ITPR2: variants seen among roughly 807,000 people sequenced by gnomAD.
ITPR2 encodes the protein inositol 1,4,5-trisphosphate receptor type 2.
In ITPR2, 207 loss-of-function variants were observed where a neutral mutation model predicts 317.1. The ratio of observed to expected loss-of-function variants is 0.65; its 90% CI spans 0.58 to 0.73. ITPR2 has a LOEUF of 0.73. Ranked by LOEUF, ITPR2 falls within the 30% of genes least tolerant of loss-of-function variation. The pLI is 0.00. For synonymous variants in ITPR2, 1,156 were observed against 1,149.1 expected (o/e 1.01, Z -0.12); for missense variants, 2,613 against 3,284.0 (o/e 0.80, Z 4.99).
chr12:26,667,411 T>C (rs892298392), intron 13 of ITPR2, among the ~76,000 whole-genome samples: 3 of 152,242 alleles, frequency 2.0e-5, no homozygotes, highest in Non-Finnish European at 4.4e-5. Context: ...CTATGTTTTC[T>C]TGGTATGCCT....
At chr12:26,605,861 C>T (rs902957123) in intron 26 of ITPR2, among the ~76,000 whole-genome samples, 1 of 152,060 alleles carries the variant, frequency 6.6e-6, no homozygotes, top group Admixed American at 6.5e-5. Context: ...TTAAATTGAA[C>T]AAAAACCCAT....
At chr12:26,656,195 T>C (rs1303883207) in intron 19 of ITPR2, 102 bp downstream of exon 19, 11 of 1,424,084 alleles carry the variant, frequency 7.7e-6, no homozygotes, top group Non-Finnish European at 7.7e-6. Context: ...CAAGACAGGA[T>C]ACACAAATGC....
intron 49 of ITPR2, among the ~76,000 whole-genome samples, chr12:26,421,962 C>A (rs951750940): frequency 2.0e-5 from 3 of 151,576 alleles, no homozygotes; most frequent in Admixed American, 2.0e-4. Context: ...AATACACCAT[C>A]CAAATGATTT....
At chr12:26,543,810 G>T (rs1944322488) in intron 37 of ITPR2, among the ~76,000 whole-genome samples, 1 of 151,778 alleles carries the variant, frequency 6.6e-6, no homozygotes, top group Admixed American at 6.6e-5. Context: ...CCATTTTGAA[G>T]CATTCCTTCT....
chr12:26,495,382 C>T lies in ITPR2; in HGVS notation c.5074-122G>A. The T allele has an allele frequency of 5.6e-6, 3 of 531,056 alleles. No homozygotes were observed. In the South Asian group the frequency reaches 9.3e-5, roughly 16 times the overall value. The allele number at this position is 531,056 out of a possible 1,614,324, so 32.9% of individuals were successfully genotyped here. A position where few individuals can be genotyped will look rare whatever the true frequency, so the allele number is the denominator to read the frequency against. Reference sequence around the variant, plus strand: ...GTTGAGGCATGGAAAAATTAACTTTCTATCAGATAATATTTTCTGAGGCAA... The same window carrying T: ...GTTGAGGCATGGAAAAATTAACTTTTTATCAGATAATATTTTCTGAGGCAA... On this transcript the variant is annotated intron_variant, in intron 37 of 56. Transcript: ENST00000381340.
chr12:26,397,758 T>C (rs955608305), intron 54 of ITPR2, among the ~76,000 whole-genome samples: 2 of 152,228 alleles, frequency 1.3e-5, no homozygotes, highest in African/African-American at 4.8e-5. Context: ...GGACCCAATT[T>C]GTTACATACA....
rs548292837 is a variant in ITPR2 at position 26,335,702 on chromosome 12, G to A, written c.*3695C>T. ...GACTAGAGGGCCTCTACTGGCCTCA[G>A]GCATTTTCTAAAAACCGGAATTAGC... On this transcript the variant is annotated 3_prime_UTR_variant, in exon 57 of 57. Transcript: ENST00000381340. The A allele has an allele frequency of 5.3e-5, 8 of 152,310 alleles. No homozygotes were observed. The highest frequency in any genetic ancestry group is 2.1e-4 in the South Asian group (1 of 4,828). 9.4% of individuals were successfully genotyped at this position (152,310 alleles called of 1,614,324 possible).
rs1436607828 is a variant in ITPR2, at chr12:26,831,235, C to T, written c.92+1455G>A. On this transcript the variant is annotated intron_variant, in intron 1 of 56. Coordinates refer to ENST00000381340, the MANE Select transcript of ITPR2 (RefSeq NM_002223.4). The surrounding 1 kb of genome is among the most constrained non-coding windows in gnomAD (Gnocchi z 4.9). ...AGCGCTTGGCACTAACGTGTTTTTCCTACCACGCTTTAGTTGCATAAGAAA... is the reference window on the plus strand; with the variant it reads ...AGCGCTTGGCACTAACGTGTTTTTCTTACCACGCTTTAGTTGCATAAGAAA... Among the ~76,000 whole-genome samples, 1 of 152,180 alleles carries T rather than the reference C, an allele frequency of 6.6e-6. No individual in the cohort carries two copies. Among genetic ancestry groups the T allele is most frequent in the African/African-American group, 2.4e-5 (1 of 41,432 alleles).
chr12:26,428,045 A>C lies in ITPR2; in HGVS notation c.6813T>G (p.Val2271=). Residue 2271 remains valine, a synonymous_variant, in exon 49 of 57, where the codon GTT becomes GTG. Coordinates refer to ENST00000381340, the MANE Select transcript of ITPR2 (RefSeq NM_002223.4). Reference sequence around the variant, plus strand: ...AAAACAGCATAGATGTGCAGATCGCAACTGCTATCCAAAGAAGAACCGAGA... The same window carrying C: ...AAAACAGCATAGATGTGCAGATCGCCACTGCTATCCAAAGAAGAACCGAGA... ...PLFSVLLWIA[V]AICTSMLFFF... 1 of 1,611,468 alleles carries C rather than the reference A, an allele frequency of 6.2e-7. No individual in the cohort carries two copies. Among genetic ancestry groups the C allele is most frequent in the Non-Finnish European group, 8.5e-7 (1 of 1,178,924 alleles).
chr12:26,733,868 G>A (rs1010772581), intron 2 of ITPR2, among the ~76,000 whole-genome samples: 1 of 152,044 alleles, frequency 6.6e-6, no homozygotes, highest in African/African-American at 2.4e-5. Context: ...AATGTAATAA[G>A]CTGACTGATT....
intron 32 of ITPR2, among the ~76,000 whole-genome samples, chr12:26,593,737 GT>G (rs869253983): frequency 3.5e-4 from 5 of 14,344 alleles, no homozygotes; most frequent in African/African-American, 7.0e-4. Flanking sequence ...CTATTTTTTT[GT>G]TTTTTTTTTT....
chr12:26,556,570 G>T (rs1017564403), intron 35 of ITPR2, among the ~76,000 whole-genome samples, 195 bp from the exon 36 acceptor site: 219 of 128,162 alleles, frequency 1.7e-3, no homozygotes, highest in African/African-American at 5.8e-3. Context: ...TTTTTTTTGT[G>T]TGTGTGTGTG....
At chr12:26,710,610 T>C (rs1188892864) in intron 9 of ITPR2, among the ~76,000 whole-genome samples, 1 of 152,262 alleles carries the variant, frequency 6.6e-6, no homozygotes, top group Non-Finnish European at 1.5e-5. Context: ...ATGTTATTTC[T>C]ACCTATCCTT....
intron 1 of ITPR2, among the ~76,000 whole-genome samples, chr12:26,803,767 G>A (rs1169752700): frequency 6.6e-6 from 1 of 152,016 alleles, no homozygotes; most frequent in African/African-American, 2.4e-5. Flanking sequence ...ATGAACATGA[G>A]AACCAACTAC....
At chr12:26,565,453 T>TA (rs60370386) in intron 34 of ITPR2, among the ~76,000 whole-genome samples, 15 of 149,852 alleles carry the variant, frequency 1.0e-4, no homozygotes, top group East Asian at 3.9e-4. Context: ...AAGGAAGGGA[T>TA]AAAAAAAAAT....
chr12:26,491,181 T>A (rs1467066024), intron 39 of ITPR2, among the ~76,000 whole-genome samples: 1 of 151,910 alleles, frequency 6.6e-6, no homozygotes, highest in Non-Finnish European at 1.5e-5. Flanking sequence ...AAGAATAGCA[T>A]GTTTTTGGAA....
At chr12:26,608,588 G>A (rs1347410135) in intron 26 of ITPR2, among the ~76,000 whole-genome samples, 2 of 151,824 alleles carry the variant, frequency 1.3e-5, no homozygotes, top group African/African-American at 4.8e-5. Context: ...ATTAATTGAG[G>A]AGCTCCTCTG....
intron 56 of ITPR2, among the ~76,000 whole-genome samples, 164 bp downstream of exon 56, chr12:26,340,003 C>T (rs990756948): frequency 2.6e-5 from 4 of 151,994 alleles, no homozygotes; most frequent in African/African-American, 7.3e-5. Context: ...AGTAGAAGTC[C>T]CCGTTTGCTG....
At position 26,621,290 on chromosome 12, in the gene ITPR2, A is replaced by G; in HGVS notation, c.3295T>C (p.Leu1099=). 6.2e-7 allele frequency: 1 copy of G among 1,607,132 alleles called. No homozygotes were observed. The highest frequency in any genetic ancestry group is 8.5e-7 in the Non-Finnish European group (1 of 1,176,586). ...TCTACGTCTTGATTAGACACCAGTA[A>G]TTGCACCTAAAACAGAAGAATTTCA... ...EVLQAFKQVQ[L]LVSNQDVDNY... is the part of the protein sequence containing the mutation. Residue 1099 remains leucine, a synonymous_variant, in exon 26 of 57, where the codon TTA becomes CTA. Transcript: ENST00000381340.
Sources: gnomAD v4.1 joint callset for allele counts (sites outside exome capture counted in the v4.1 genomes callset) on GRCh38, gnomAD v4.1.1 for gene constraint, Gnocchi (gnomAD v3.1) non-coding constraint, MANE v1.5 for transcripts, NCBI Gene and HGNC (gene_info 2026-07-23, HGNC 2026-07-21) for gene names.